The following EPHX4 variants were observed in gnomAD, a reference collection of about 807,000 sequenced individuals.
EPHX4 encodes epoxide hydrolase 4, also known as abhydrolase domain containing 7.
Under a neutral mutation model 44.9 loss-of-function variants are expected in EPHX4, and 31 were observed. The observed-to-expected ratio is 0.69, with a 90% CI of 0.52 to 0.93. The LOEUF (loss-of-function observed/expected upper bound fraction) is 0.93, where lower values mean the gene tolerates loss of function less well. EPHX4 is among the 40% of genes least tolerant of loss of function. EPHX4 has a pLI of 0.00. For missense variants in EPHX4, 373 were observed against 438.1 expected (o/e 0.85, Z 1.33); for synonymous variants, 151 against 159.7 (o/e 0.95, Z 0.41).
chr1:92,056,154 C>T (rs533665908), intron 6 of EPHX4, among the ~76,000 whole-genome samples: 52 of 152,206 alleles, frequency 3.4e-4, no homozygotes, highest in African/African-American at 1.2e-3. Context: ...TCTGACCCCC[C>T]TCTGAGTAAT....
chr1:92,058,333 C>T (rs922530906), intron 6 of EPHX4, among the ~76,000 whole-genome samples: 4 of 151,306 alleles, frequency 2.6e-5, no homozygotes, highest in Non-Finnish European at 4.4e-5. Flanking sequence ...CCCAGCTGCT[C>T]GGGAGGCTGA....
intron 6 of EPHX4, among the ~76,000 whole-genome samples, chr1:92,054,763 G>A (rs1225307579): frequency 6.6e-6 from 1 of 151,856 alleles, no homozygotes; most frequent in East Asian, 1.9e-4. Context: ...ATCAAGACAG[G>A]CTGGAAAGAG....
chr1:92,050,292 G>A (rs777459853), intron 4 of EPHX4, 25 bp from the exon 5 acceptor site: 2 of 1,435,620 alleles, frequency 1.4e-6, no homozygotes, highest in South Asian at 2.4e-5. Flanking sequence ...CTTGGATAAG[G>A]TCTAACATGG....
intron 2 of EPHX4, among the ~76,000 whole-genome samples, chr1:92,035,465 C>T (rs1203699768): frequency 6.6e-6 from 1 of 152,144 alleles, no homozygotes; most frequent in Admixed American, 6.5e-5. Flanking sequence ...TTTCACGTGG[C>T]CCCAGTGAAT....
intron 6 of EPHX4, among the ~76,000 whole-genome samples, chr1:92,059,571 AT>A (rs1378389107): frequency 6.6e-6 from 1 of 152,240 alleles, no homozygotes; most frequent in African/African-American, 2.4e-5. Context: ...TAATGTGTTT[AT>A]GTATCTAGAA....
Position 92,042,904 on chromosome 1 carries a change from A to G in EPHX4, c.399A>G (p.Thr133=). ...TGGATTTGAGAGGTTATGGAGAAAC[A>G]GATGCTCCCATTCATCGACAGAATT... ...VALDLRGYGE[T]DAPIHRQNYK... is the part of the protein sequence containing the mutation. Residue 133 remains threonine, a synonymous_variant, in exon 3 of 7, where the codon ACA becomes ACG. Coordinates refer to ENST00000370383, the MANE Select transcript of EPHX4 (RefSeq NM_173567.5). 6.2e-7 allele frequency: 1 copy of G among 1,613,162 alleles called. No homozygotes were observed. Among genetic ancestry groups the G allele is most frequent in the Middle Eastern group, 1.7e-4 (1 of 6,054 alleles).
chr1:92,059,115 G>T (rs1324206222), intron 6 of EPHX4, among the ~76,000 whole-genome samples: 1 of 152,074 alleles, frequency 6.6e-6, no homozygotes, highest in Non-Finnish European at 1.5e-5. Context: ...AACACTAAAA[G>T]CATTTCTTTC....
At chr1:92,059,385 C>G (rs1193911152) in intron 6 of EPHX4, among the ~76,000 whole-genome samples, 1 of 151,950 alleles carries the variant, frequency 6.6e-6, no homozygotes, top group South Asian at 2.1e-4. Flanking sequence ...TGCGGTGAGC[C>G]CAGATCCGTC....
intron 5 of EPHX4, 70 bp from the exon 6 acceptor site, chr1:92,052,440 C>T: frequency 6.9e-7 from 1 of 1,455,512 alleles, no homozygotes; most frequent in Non-Finnish European, 9.2e-7. Flanking sequence ...ATCCCCTTTC[C>T]AAAGCCAAAG....
intron 2 of EPHX4, among the ~76,000 whole-genome samples, chr1:92,033,323 C>A (rs1688387990): frequency 6.6e-6 from 1 of 152,030 alleles, no homozygotes; most frequent in Admixed American, 6.5e-5. Flanking sequence ...GACCTACCTG[C>A]TACCAATTTA....
chr1:92,030,485 T>TGTGTGTGTGTGTGTGTGTGTGTGTGAGA (rs1326928763), intron 1 of EPHX4, among the ~76,000 whole-genome samples, 175 bp downstream of exon 1: 2 of 138,720 alleles, frequency 1.4e-5, no homozygotes, highest in African/African-American at 5.5e-5. Context: ...TGTGTGTGTG[T>TGTGTGTGTGTGTGTGTGTGTGTGTGAGA]GAGAGAGAGA....
At chr1:92,030,880 T>C (rs1046380649) in intron 1 of EPHX4, among the ~76,000 whole-genome samples, 21 of 152,132 alleles carry the variant, frequency 1.4e-4, no homozygotes, top group African/African-American at 3.9e-4. Context: ...TGCATACTTA[T>C]GAAGTCAGGG....
At chr1:92,038,686 G>A (rs1688472437) in intron 2 of EPHX4, among the ~76,000 whole-genome samples, 1 of 152,120 alleles carries the variant, frequency 6.6e-6, no homozygotes, top group African/African-American at 2.4e-5. Context: ...CGCCTAATGT[G>A]ATAATGAGTT....
Position 92,032,700 on chromosome 1 carries a change from A to G in EPHX4, c.317+110A>G, listed in dbSNP as rs1290026353. On this transcript the variant is annotated intron_variant, in intron 2 of 6. Transcript: ENST00000370383. ...ACAGTCTGGGTAACTTAAAATGAAC[A>G]TAAATGATTTTCTCAGAGTTCTGGA... 1.9e-5 allele frequency: 18 copies of G among 955,842 alleles called. No homozygotes were observed. In the East Asian group the frequency reaches 4.0e-4, roughly 21 times the overall value. 59.2% of individuals were successfully genotyped at this position (955,842 alleles called of 1,614,324 possible). A position where few individuals can be genotyped will look rare whatever the true frequency, so the allele number is the denominator to read the frequency against.
chr1:92,052,358 A>G, intron 5 of EPHX4, 152 bp from the exon 6 acceptor site: 1 of 681,940 alleles, frequency 1.5e-6, no homozygotes, highest in Non-Finnish European at 2.5e-6. Context: ...CATAGAATAT[A>G]TATGTATAAA....
intron 6 of EPHX4, among the ~76,000 whole-genome samples, chr1:92,059,026 A>G (rs1469109548): frequency 2.6e-5 from 4 of 152,206 alleles, no homozygotes; most frequent in African/African-American, 9.7e-5. Context: ...TGTTAATCAT[A>G]TTACAGTTCC....
intron 6 of EPHX4, among the ~76,000 whole-genome samples, chr1:92,058,752 C>T (rs1377399541): frequency 2.0e-5 from 3 of 152,054 alleles, no homozygotes; most frequent in East Asian, 1.9e-4. Context: ...CTGGCAGGCA[C>T]AGAAGATTCT....
intron 1 of EPHX4, among the ~76,000 whole-genome samples, chr1:92,031,452 C>T (rs1359642002): frequency 6.6e-6 from 1 of 152,168 alleles, no homozygotes; most frequent in African/African-American, 2.4e-5. Context: ...CTTTTCCCCT[C>T]GCTCTGGCCG....
At chr1:92,041,550 T>C (rs1688508682) in intron 2 of EPHX4, among the ~76,000 whole-genome samples, 1 of 152,216 alleles carries the variant, frequency 6.6e-6, no homozygotes, top group Admixed American at 6.5e-5. Context: ...AGCATTTTAC[T>C]TATGTTACTC....
Sources: allele counts gnomAD v4.1 joint callset (sites outside exome capture counted in the v4.1 genomes callset), GRCh38; gene constraint gnomAD v4.1.1; transcripts MANE v1.5; gene names NCBI Gene and HGNC (gene_info 2026-07-23, HGNC 2026-07-21).